CACNA1E: variants seen among roughly 807,000 people sequenced by gnomAD.
CACNA1E encodes the protein voltage-dependent R-type calcium channel subunit alpha-1E.
A neutral mutation model predicts 259.2 loss-of-function variants in CACNA1E; 40 were observed. The observed-to-expected ratio is 0.15, with a 90% CI of 0.12 to 0.20. The LOEUF (loss-of-function observed/expected upper bound fraction) is 0.20, where lower values mean the gene tolerates loss of function less well. CACNA1E is among the 10% of genes least tolerant of loss of function. The probability of loss-of-function intolerance (pLI) is 1.00; values close to 1 mark genes in which losing one functional copy is unlikely to be tolerated. For synonymous variants in CACNA1E, 1,104 were observed against 1,138.5 expected (o/e 0.97, Z 0.61); for missense variants, 1,874 against 3,040.1 (o/e 0.62, Z 9.02).
intron 2 of CACNA1E, among the ~76,000 whole-genome samples, chr1:181,449,184 G>A (rs1362172652): frequency 2.6e-5 from 4 of 152,122 alleles, no homozygotes; most frequent in Non-Finnish European, 5.9e-5. Flanking sequence ...GTAGACTATT[G>A]ATGCTGTGGC....
At chr1:181,375,399 C>T (rs1270610496) in intron 1 of CACNA1E, among the ~76,000 whole-genome samples, 1 of 152,122 alleles carries the variant, frequency 6.6e-6, no homozygotes, top group Non-Finnish European at 1.5e-5. Context: ...TGAAATCTAA[C>T]CCCCAGCTGC....
chr1:181,789,026 G>A (rs908129462), intron 43 of CACNA1E, among the ~76,000 whole-genome samples: 35 of 62,252 alleles, frequency 5.6e-4, no homozygotes, highest in Non-Finnish European at 8.1e-4. Flanking sequence ...TGCTATCACT[G>A]CTGGCTAATT....
intron 3 of CACNA1E, 117 bp downstream of exon 3, chr1:181,511,627 A>G: frequency 2.5e-6 from 3 of 1,205,936 alleles, no homozygotes; most frequent in Non-Finnish European, 3.6e-6. Context: ...TAGGGGCAGA[A>G]GAAAAAGTTC....
chr1:181,753,053 G>A (rs1657739663), intron 27 of CACNA1E, among the ~76,000 whole-genome samples: 1 of 152,218 alleles, frequency 6.6e-6, no homozygotes, highest in African/African-American at 2.4e-5. Context: ...ATGACAGCAA[G>A]GCACTGCCAG....
intron 3 of CACNA1E, among the ~76,000 whole-genome samples, chr1:181,572,328 C>T (rs1252129773): frequency 2.0e-5 from 3 of 152,196 alleles, no homozygotes; most frequent in Non-Finnish European, 4.4e-5. Context: ...GTGCTATGGC[C>T]ACAATGAGAA....
intron 44 of CACNA1E, among the ~76,000 whole-genome samples, chr1:181,791,760 AT>A (rs1661331472): frequency 6.6e-6 from 1 of 152,086 alleles, no homozygotes; most frequent in African/African-American, 2.4e-5. Flanking sequence ...AGTGAGTTCC[AT>A]ATCATTTAAA....
chr1:181,768,960 A>G (rs1277968421), intron 35 of CACNA1E, among the ~76,000 whole-genome samples: 1 of 152,364 alleles, frequency 6.6e-6, no homozygotes, highest in African/African-American at 2.4e-5. Flanking sequence ...TATTATTCCA[A>G]ACTTTCAAAG....
At chr1:181,402,460 C>T (rs1423461880) in intron 1 of CACNA1E, among the ~76,000 whole-genome samples, 4 of 152,224 alleles carry the variant, frequency 2.6e-5, no homozygotes, top group Admixed American at 2.6e-4. Context: ...CACAAGATCA[C>T]AAAGGATGAT....
chr1:181,628,580 G>A (rs967111004), intron 6 of CACNA1E, among the ~76,000 whole-genome samples: 24 of 152,318 alleles, frequency 1.6e-4, no homozygotes, highest in Non-Finnish European at 2.9e-4. Context: ...CTGAATGATA[G>A]TGATCATTCC....
chr1:181,643,984 T>C (rs1406318736), intron 6 of CACNA1E, among the ~76,000 whole-genome samples: 6 of 152,164 alleles, frequency 3.9e-5, no homozygotes, highest in Non-Finnish European at 7.4e-5. Context: ...AACGCCCTGC[T>C]CCTGGGCCTG....
intron 1 of CACNA1E, among the ~76,000 whole-genome samples, chr1:181,348,907 G>T: frequency 6.6e-6 from 1 of 152,176 alleles, no homozygotes; most frequent in Non-Finnish European, 1.5e-5. Flanking sequence ...ATGGGATGTG[G>T]CCAGGTCCTA....
chr1:181,593,273 C>T (rs1004716466), intron 6 of CACNA1E, among the ~76,000 whole-genome samples: 2 of 152,140 alleles, frequency 1.3e-5, no homozygotes, highest in Non-Finnish European at 2.9e-5. Flanking sequence ...GAGTGGGTGT[C>T]TGGTTGCTTC....
At chr1:181,702,155 C>A (rs1263024364) in intron 7 of CACNA1E, among the ~76,000 whole-genome samples, 1 of 152,116 alleles carries the variant, frequency 6.6e-6, no homozygotes, top group Non-Finnish European at 1.5e-5. Flanking sequence ...CCTCCCTCTT[C>A]CCAAACCTGC....
chr1:181,473,786 T>TAA (rs1662668118), intron 2 of CACNA1E, among the ~76,000 whole-genome samples: 1 of 152,226 alleles, frequency 6.6e-6, no homozygotes, highest in Non-Finnish European at 1.5e-5. Context: ...TTAAAGTGGC[T>TAA]AAGATAATGG....
chr1:181,746,287 G>C (rs917259676), intron 25 of CACNA1E, among the ~76,000 whole-genome samples: 1 of 152,186 alleles, frequency 6.6e-6, no homozygotes, highest in African/African-American at 2.4e-5. Flanking sequence ...CTTCCCCATG[G>C]GGTCTTTAGA....
At chr1:181,679,471 A>G (rs3766984) in intron 7 of CACNA1E, among the ~76,000 whole-genome samples, 125,920 of 152,170 alleles carry the variant, frequency 0.83, 52,210 homozygotes, top group Non-Finnish European at 0.85. Flanking sequence ...CTCGGGCCAG[A>G]GCTCCTGGGC....
At chr1:181,484,177 A>G (rs1663569311) in intron 1 of CACNA1E, among the ~76,000 whole-genome samples, 167 bp downstream of exon 1, 1 of 151,846 alleles carries the variant, frequency 6.6e-6, no homozygotes, top group Admixed American at 6.6e-5. Context: ...TGCCGTGGAG[A>G]CCCGTTTGGG....
intron 7 of CACNA1E, among the ~76,000 whole-genome samples, chr1:181,679,457 C>G (rs1649707595): frequency 6.6e-6 from 1 of 152,196 alleles, no homozygotes; most frequent in South Asian, 2.1e-4. Context: ...TAGAAGAAGG[C>G]AAACTCGGGC....
At chr1:181,759,395 CTGTGTGTG>C (rs10677275) in intron 32 of CACNA1E, among the ~76,000 whole-genome samples, 2 of 146,884 alleles carry the variant, frequency 1.4e-5, no homozygotes, top group African/African-American at 5.1e-5. Flanking sequence ...AGGGGTGTGT[CTGTGTGTG>C]TGTGTGTGTG....
Sources: gnomAD v4.1 joint callset for allele counts (sites outside exome capture counted in the v4.1 genomes callset) on GRCh38, gnomAD v4.1.1 for gene constraint, MANE v1.5 for transcripts, NCBI Gene and HGNC (gene_info 2026-07-23, HGNC 2026-07-21) for gene names.